Variants in SCAF8 observed in about 807,000 individuals in gnomAD.
SCAF8 encodes SR-related and CTD-associated factor 8.
SCAF8 carries 23 observed loss-of-function variants against 140.5 expected under a neutral mutation model. The ratio of observed to expected loss-of-function variants is 0.16; its 90% confidence interval spans 0.12 to 0.23. The LOEUF is 0.23. Ranked by LOEUF, SCAF8 falls within the 10% of genes least tolerant of loss-of-function variation. The probability of loss-of-function intolerance (pLI) is 1.00; values close to 1 mark genes in which losing one functional copy is unlikely to be tolerated. For synonymous variants in SCAF8, 575 were observed against 528.9 expected, an observed-to-expected ratio of 1.09 and a Z score of -1.20; for missense variants, 1,397 against 1,555.7, an observed-to-expected ratio of 0.90 and a Z score of 1.72.
chr6:154,831,821 T>G (rs999297202), intron 19 of SCAF8, 118 bp from the exon 20 acceptor site: 8 of 732,842 alleles, frequency 1.1e-5, no homozygotes, highest in Non-Finnish European at 1.7e-5. Context: ...CTTAAAAAGA[T>G]GTCATGTAGT....
rs1778506397 is a variant in SCAF8 at position 154,824,458 on chromosome 6, A to C, written c.2071+80A>C. On this transcript the variant is annotated intron_variant, in intron 17 of 19. Transcript: ENST00000367178. ...TGTTTCTTCCAGATTTAAGTACCAT[A>C]GAGCAGTGGTTCTGAGACCTTAGCA... The C allele has an allele frequency of 1.6e-5, 21 of 1,310,824 alleles. No homozygotes were observed. The South Asian group carries it at 2.7e-4, about 17-fold the overall frequency. The allele number at this position is 1,310,824 out of a possible 1,614,324, so 81.2% of individuals were successfully genotyped here.
intron 2 of SCAF8, among the ~76,000 whole-genome samples, chr6:154,776,369 T>C (rs1361893902): frequency 6.6e-6 from 1 of 152,084 alleles, no homozygotes; most frequent in African/African-American, 2.4e-5. Context: ...TGTTTCATAT[T>C]GAGGTAAGTC....
chr6:154,769,215 T>C (rs1583018273), intron 1 of SCAF8, among the ~76,000 whole-genome samples: 1 of 152,188 alleles, frequency 6.6e-6, no homozygotes. Context: ...CTGCAGTGGG[T>C]ACATTTTTAA....
intron 3 of SCAF8, among the ~76,000 whole-genome samples, chr6:154,781,707 G>A (rs867560573): frequency 7.2e-5 from 11 of 152,128 alleles, no homozygotes; most frequent in Non-Finnish European, 1.0e-4. Flanking sequence ...GGTTCATCTG[G>A]GTTGTTTGTA....
intron 4 of SCAF8, among the ~76,000 whole-genome samples, chr6:154,788,645 A>G (rs1271704366): frequency 1.3e-5 from 2 of 152,218 alleles, no homozygotes; most frequent in Non-Finnish European, 2.9e-5. Context: ...CAGTCAATTC[A>G]GAATTGTGAT....
chr6:154,832,994 C>G lies in SCAF8; in HGVS notation c.3415C>G (p.Arg1139Gly). ...RFDPRSGPWNRGFGQEVHRDF... is the reference protein window; with the variant it reads ...RFDPRSGPWNGGFGQEVHRDF... The stretch of plus-strand genomic sequence containing the variant: ...TGATCCTAGAAGTGGTCCTTGGAAC[C>G]GAGGATTTGGACAAGAAGTTCACAG... The change falls in exon 20 of 20, where the codon CGA becomes GGA. Residue 1139 changes from arginine (R) to glycine (G), a missense_variant. Arg to Gly is a moderately radical substitution (Grantham distance 125). This residue lies in a region of SCAF8 where 930 missense variants were observed against 874.6 expected (regional missense o/e 1.06). Coordinates refer to ENST00000367178, the MANE Select transcript of SCAF8 (RefSeq NM_014892.5). 1 of 1,613,954 alleles carries G rather than the reference C, an allele frequency of 6.2e-7. No individual in the cohort carries two copies. The highest frequency in any genetic ancestry group is 8.5e-7 in the Non-Finnish European group (1 of 1,179,992).
intron 3 of SCAF8, among the ~76,000 whole-genome samples, chr6:154,784,155 A>ATATATTTATTTATT (rs1408182952): frequency 6.4e-4 from 59 of 91,958 alleles, no homozygotes; most frequent in Non-Finnish European, 6.3e-4. Flanking sequence ...ATATATATAT[A>ATATATTTATTTATT]TATTTATTTA....
chr6:154,748,474 G>A (rs1338747658), intron 1 of SCAF8, among the ~76,000 whole-genome samples: 4 of 151,840 alleles, frequency 2.6e-5, no homozygotes, highest in Admixed American at 1.3e-4. Context: ...CTTGTCTCTG[G>A]CTGAATATGA....
rs76610454 is a variant in SCAF8, at chr6:154,813,067, A to G, written c.1421-2649A>G. Among the ~76,000 whole-genome samples the G allele has an allele frequency of 7.5e-3, 1,131 of 150,724 alleles. 4 individuals carry two copies. Among genetic ancestry groups the G allele is most frequent in the Middle Eastern group, 0.024 (7 of 288 alleles). On this transcript the variant is annotated intron_variant, in intron 12 of 19. Transcript: ENST00000367178. ...AAAAAAAAAAAAAATTAGTTCGGCA[A>G]GGTGGTTCACACTTCTGTAGTCCCA...
At position 154,831,927 on chromosome 6, in the gene SCAF8, C is replaced by G. The variant is rs1289794329; in HGVS notation, c.2360-12C>G. 15 of 1,495,614 alleles carry G rather than the reference C, an allele frequency of 1.0e-5. No individual in the cohort carries two copies. Among genetic ancestry groups the G allele is most frequent in the Non-Finnish European group, 1.3e-5 (14 of 1,108,990 alleles). 92.6% of individuals were successfully genotyped at this position (1,495,614 alleles called of 1,614,324 possible). On this transcript the variant is annotated splice_polypyrimidine_tract_variant and intron_variant, in intron 19 of 19. Transcript: ENST00000367178. ...GTTATTTTGAGTTTTTTCTCTCTCT[C>G]TTTTTTTTTAGTGATTCCAAATGAT...
intron 1 of SCAF8, among the ~76,000 whole-genome samples, chr6:154,744,572 G>T (rs1027475665): frequency 6.6e-6 from 1 of 152,112 alleles, no homozygotes. Context: ...CAACAGTTGT[G>T]ATTTTTCCAA....
At position 154,830,973 on chromosome 6, in the gene SCAF8, G is replaced by T; in HGVS notation, c.2192G>T (p.Gly731Val). ...ACACCGGAAACTGTGAAAGATGTTG[G>T]ATTTGGTAGCCTTGTTATACCAGGC... ...SMTPETVKDV[G>V]FGSLVIPGGS... Residue 731 changes from glycine to valine, a missense_variant, in exon 19 of 20, where the codon GGA becomes GTA. Coordinates refer to ENST00000367178, the MANE Select transcript of SCAF8 (RefSeq NM_014892.5). 6.2e-7 allele frequency: 1 copy of T among 1,614,062 alleles called. No homozygotes were observed. Among genetic ancestry groups the T allele is most frequent in the Non-Finnish European group, 8.5e-7 (1 of 1,179,978 alleles).
intron 1 of SCAF8, among the ~76,000 whole-genome samples, chr6:154,770,388 A>ACTCTCTCTCTCTCTCTCTCTCT (rs58596375): frequency 2.8e-5 from 4 of 141,918 alleles, no homozygotes; most frequent in African/African-American, 1.0e-4. Flanking sequence ...ACACACACAC[A>ACTCTCTCTCTCTCTCTCTCTCT]CTCTCTCTCT....
Position 154,832,709 on chromosome 6 carries a change from G to T in SCAF8, c.3130G>T (p.Asp1044Tyr). Reference protein sequence around the residue: ...DVRDVVGRPIDPREGPGRPPL... With the variant: ...DVRDVVGRPIYPREGPGRPPL... The stretch of plus-strand genomic sequence containing the variant: ...TAGAGATGTGGTTGGGCGGCCTATA[G>T]ATCCAAGAGAAGGTCCTGGACGGCC... Residue 1044 changes from aspartate to tyrosine, a missense_variant, in exon 20 of 20, where the codon GAT becomes TAT. Asp to Tyr is a radical substitution (Grantham distance 160). Around this residue, in one of 5 missense-constraint regions of SCAF8, gnomAD observed 930 missense variants for 874.6 expected, o/e 1.06. Coordinates refer to ENST00000367178, the MANE Select transcript of SCAF8 (RefSeq NM_014892.5). The T allele has an allele frequency of 6.2e-7, 1 of 1,614,008 alleles. No individual in the cohort carries two copies. Among genetic ancestry groups the T allele is most frequent in the Non-Finnish European group, 8.5e-7 (1 of 1,179,992 alleles).
intron 1 of SCAF8, among the ~76,000 whole-genome samples, chr6:154,757,317 A>T (rs539093491): frequency 6.6e-6 from 1 of 152,192 alleles, no homozygotes; most frequent in Non-Finnish European, 1.5e-5. Context: ...TTTTATACCT[A>T]TGAATATTGG....
At chr6:154,772,999 A>T (rs1470614615) in intron 1 of SCAF8, among the ~76,000 whole-genome samples, 6 of 152,084 alleles carry the variant, frequency 3.9e-5, no homozygotes, top group African/African-American at 9.7e-5. Flanking sequence ...ATCTCAGGTG[A>T]TCTACCTGTC....
At chr6:154,817,324 G>GT (rs1225745013) in intron 13 of SCAF8, among the ~76,000 whole-genome samples, 1 of 152,144 alleles carries the variant, frequency 6.6e-6, no homozygotes, top group Non-Finnish European at 1.5e-5. Flanking sequence ...TTTGATGATC[G>GT]TATTTGTAAT....
At chr6:154,788,146 C>G (rs1777307781) in intron 4 of SCAF8, 124 bp downstream of exon 4, 1 of 772,164 alleles carries the variant, frequency 1.3e-6, no homozygotes, top group Non-Finnish European at 2.1e-6. Context: ...AATGACAGAC[C>G]GCATATACAG....
chr6:154,812,292 CTTTT>C (rs759236847), intron 12 of SCAF8, among the ~76,000 whole-genome samples: 151 of 38,800 alleles, frequency 3.9e-3, no homozygotes, highest in African/African-American at 0.013. Context: ...TCTATGTCAG[CTTTT>C]TTTTTTTTTT....
Sources: allele counts gnomAD v4.1 joint callset (sites outside exome capture counted in the v4.1 genomes callset), GRCh38; gene constraint gnomAD v4.1.1; regional missense constraint gnomAD v4.1.1; transcripts MANE v1.5; gene names NCBI Gene and HGNC (gene_info 2026-07-23, HGNC 2026-07-21).